PFKFB2: variants seen among roughly 807,000 people sequenced by gnomAD.
The protein encoded by PFKFB2 is 6-phosphofructo-2-kinase/fructose-2,6-bisphosphatase 2.
A neutral mutation model predicts 68.0 loss-of-function variants in PFKFB2; 53 were observed. That is an observed-to-expected ratio of 0.78 (90% confidence interval 0.63 to 0.98). The LOEUF is 0.98. PFKFB2 is among the 50% of genes least tolerant of loss of function. The pLI is 0.00. For missense variants in PFKFB2, 451 were observed against 642.0 expected (o/e 0.70, Z 3.22); for synonymous variants, 222 against 227.6 (o/e 0.98, Z 0.22).
At chr1:207,036,860 T>C (rs779674863) in intron 1 of PFKFB2, among the ~76,000 whole-genome samples, 1 of 152,236 alleles carries the variant, frequency 6.6e-6, no homozygotes, top group Non-Finnish European at 1.5e-5. Context: ...AAATCTGCTG[T>C]CAGTTACCAC....
At position 207,075,695 on chromosome 1, in the gene PFKFB2, A is replaced by G. The variant is rs1372798259; in HGVS notation, c.*3324A>G. On this transcript the variant is annotated 3_prime_UTR_variant, in exon 15 of 15. Coordinates refer to ENST00000367080, the MANE Select transcript of PFKFB2 (RefSeq NM_006212.2). ...TCCCAGATACTTGGGAGGCTGAGGCAGGAGAATCACTTGAGACCAGCCTGG... is the reference window on the plus strand; with the variant it reads ...TCCCAGATACTTGGGAGGCTGAGGCGGGAGAATCACTTGAGACCAGCCTGG... The G allele has an allele frequency of 3.1e-6, 3 of 968,600 alleles. No individual in the cohort carries two copies. Among genetic ancestry groups the G allele is most frequent in the East Asian group, 2.3e-4 (2 of 8,760 alleles). The allele number at this position is 968,600 out of a possible 1,614,324, so 60.0% of individuals were successfully genotyped here.
At position 207,077,684 on chromosome 1, in the gene PFKFB2, A is replaced by G; in HGVS notation, c.*5313A>G. On this transcript the variant is annotated 3_prime_UTR_variant, in exon 15 of 15. Coordinates refer to ENST00000367080, the MANE Select transcript of PFKFB2 (RefSeq NM_006212.2). ...AACATAAGTCTTTAGCAACATTCTG[A>G]TTTAATCGGGTGACACTGATAACAA... is the stretch of plus-strand genomic sequence containing the variant. 1 of 985,818 alleles carries G rather than the reference A, an allele frequency of 1.0e-6. No individual in the cohort carries two copies. The highest frequency in any genetic ancestry group is 1.2e-6 in the Non-Finnish European group (1 of 829,904). The allele number at this position is 985,818 out of a possible 1,614,324, so 61.1% of individuals were successfully genotyped here. A position where few individuals can be genotyped will look rare whatever the true frequency, so the allele number is the denominator to read the frequency against.
chr1:207,071,625 C>A, intron 14 of PFKFB2, 52 bp downstream of exon 14: 1 of 1,377,218 alleles, frequency 7.3e-7, no homozygotes, highest in South Asian at 1.2e-5. Context: ...CCTTGAGTCT[C>A]TGAAGCTTTG....
downstream of PFKFB2, chr1:207,079,384 C>T (rs922369628): frequency 1.4e-5 from 4 of 279,972 alleles, no homozygotes; most frequent in Middle Eastern, 1.1e-3. Flanking sequence ...AGTGCAAATG[C>T]ACTTCTTCAG....
Position 207,076,473 on chromosome 1 carries a change from A to T in PFKFB2, c.*4102A>T. ...TTACCCAGCTTTTCTATGTATTTTGACTTATTGAAAATATGTAACAACTGA... is the reference window on the plus strand; with the variant it reads ...TTACCCAGCTTTTCTATGTATTTTGTCTTATTGAAAATATGTAACAACTGA... On this transcript the variant is annotated 3_prime_UTR_variant, in exon 15 of 15. Coordinates refer to ENST00000367080, the MANE Select transcript of PFKFB2 (RefSeq NM_006212.2). The T allele has an allele frequency of 2.0e-6, 2 of 985,282 alleles. No individual in the cohort carries two copies. The highest frequency in any genetic ancestry group is 2.4e-6 in the Non-Finnish European group (2 of 829,880). 61.0% of individuals were successfully genotyped at this position (985,282 alleles called of 1,614,324 possible). A position where few individuals can be genotyped will look rare whatever the true frequency, so the allele number is the denominator to read the frequency against.
rs1233198207 is a variant in PFKFB2, at chr1:207,063,271, G to C, written c.375+62G>C. The C allele has an allele frequency of 6.3e-7, 1 of 1,581,498 alleles. No individual in the cohort carries two copies. Among genetic ancestry groups the C allele is most frequent in the Admixed American group, 1.7e-5 (1 of 59,956 alleles). On this transcript the variant is annotated intron_variant, in intron 5 of 14. Transcript: ENST00000367080. This position sits in a 1 kb window ranked among gnomAD's most constrained non-coding sequence, Gnocchi z 4.1. ...ACCCTTGCAGCAGCCTGGCTACCCAGCCCCACCTTGAGTCTGCCCTGGTGG... is the reference window on the plus strand; with the variant it reads ...ACCCTTGCAGCAGCCTGGCTACCCACCCCCACCTTGAGTCTGCCCTGGTGG...
chr1:207,069,050 T>G (rs1683391134), intron 10 of PFKFB2, among the ~76,000 whole-genome samples: 1 of 152,198 alleles, frequency 6.6e-6, no homozygotes, highest in South Asian at 2.1e-4. Flanking sequence ...CGGCCGACAT[T>G]TCTTTTTCTT....
upstream of PFKFB2, chr1:207,052,427 C>T (rs1012333907): frequency 5.4e-5 from 27 of 501,638 alleles, no homozygotes; most frequent in Non-Finnish European, 7.5e-5. Context: ...TTTGGGAGGC[C>T]GAGGCGGGTG....
Position 207,075,930 on chromosome 1 carries a change from G to A in PFKFB2, c.*3559G>A. 1 of 985,300 alleles carries A rather than the reference G, an allele frequency of 1.0e-6. No individual in the cohort carries two copies. Among genetic ancestry groups the A allele is most frequent in the Non-Finnish European group, 1.2e-6 (1 of 829,820 alleles). The allele number at this position is 985,300 out of a possible 1,614,324, so 61.0% of individuals were successfully genotyped here. A position where few individuals can be genotyped will look rare whatever the true frequency, so the allele number is the denominator to read the frequency against. On this transcript the variant is annotated 3_prime_UTR_variant, in exon 15 of 15. Coordinates refer to ENST00000367080, the MANE Select transcript of PFKFB2 (RefSeq NM_006212.2). Reference sequence around the variant, plus strand: ...TAGCTCTTATCTGTATTGTTGTTTTGTTTTGGTAAAGGGATGATTTTTACA... The same window carrying A: ...TAGCTCTTATCTGTATTGTTGTTTTATTTTGGTAAAGGGATGATTTTTACA...
chr1:207,052,371 C>T, upstream of PFKFB2: 2 of 714,074 alleles, frequency 2.8e-6, no homozygotes. Flanking sequence ...GTTAGAAGTC[C>T]ACCGGGGTGG....
chr1:207,073,900 T>G lies in PFKFB2; in HGVS notation c.*1529T>G. ...AAAAGAGATAGGTGACTCCCCACCT[T>G]AAAGTTATCTGCTGGTCTTTTAGAG... is the stretch of plus-strand genomic sequence containing the variant. On this transcript the variant is annotated 3_prime_UTR_variant, in exon 15 of 15. Coordinates refer to ENST00000367080, the MANE Select transcript of PFKFB2 (RefSeq NM_006212.2). 2 of 985,212 alleles carry G rather than the reference T, an allele frequency of 2.0e-6. No individual in the cohort carries two copies. The highest frequency in any genetic ancestry group is 3.5e-5 in the African/African-American group (2 of 57,372). 61.0% of individuals were successfully genotyped at this position (985,212 alleles called of 1,614,324 possible).
chr1:207,062,795 TC>T, intron 4 of PFKFB2, 79 bp downstream of exon 4: 4 of 1,344,924 alleles, frequency 3.0e-6, no homozygotes, highest in African/African-American at 2.9e-5. Flanking sequence ...GGGCTTGGTT[TC>T]ATCTCAGTAA....
In PFKFB2 at chr1:207,069,424, G is replaced by T. The variant is rs1309582719; in HGVS notation, c.988G>T (p.Gly330Cys). The T allele has an allele frequency of 6.2e-7, 1 of 1,611,222 alleles. No individual in the cohort carries two copies. Among genetic ancestry groups the T allele is most frequent in the East Asian group, 2.2e-5 (1 of 44,854 alleles). The change falls in exon 11 of 15, where the codon GGT becomes TGT. Residue 330 changes from glycine (G) to cysteine (C), a missense_variant and splice_region_variant. Transcript: ENST00000367080. ...QWKILNEIDA[G>C]VCEEMTYAEI... ...GCCAGCTTCAAGTGGCTTTTTGCAG[G>T]GTGTGTGTGAAGAGATGACCTATGC...
intron 1 of PFKFB2, among the ~76,000 whole-genome samples, chr1:207,054,235 T>C (rs114028317): frequency 6.6e-6 from 1 of 152,122 alleles, no homozygotes; most frequent in Non-Finnish European, 1.5e-5. Flanking sequence ...TACCGTTAGA[T>C]TGGAGTTAAT....
At position 207,074,363 on chromosome 1, in the gene PFKFB2, T is replaced by C. The variant is rs1298561291; in HGVS notation, c.*1992T>C. On this transcript the variant is annotated 3_prime_UTR_variant, in exon 15 of 15. Transcript: ENST00000367080. ...TGTTTTAGAGGGTTATTCTAGGTTC[T>C]AGTCCCATCTTTAACCCTTTACATT... 2.0e-6 allele frequency: 2 copies of C among 985,420 alleles called. No homozygotes were observed. The highest frequency in any genetic ancestry group is 2.3e-4 in the East Asian group (2 of 8,824). The allele number at this position is 985,420 out of a possible 1,614,324, so 61.0% of individuals were successfully genotyped here. A position where few individuals can be genotyped will look rare whatever the true frequency, so the allele number is the denominator to read the frequency against.
Position 207,072,195 on chromosome 1 carries a change from T to A in PFKFB2, c.1351-9T>A. The stretch of plus-strand genomic sequence containing the variant: ...TTCATTTGTGTGGTGTCACTCCATT[T>A]CCAATCAGAACAACTTCCCCAAGAA... On this transcript the variant is annotated splice_polypyrimidine_tract_variant and intron_variant, in intron 14 of 14. Transcript: ENST00000367080. 1 of 1,613,092 alleles carries A rather than the reference T, an allele frequency of 6.2e-7. No homozygotes were observed. The highest frequency in any genetic ancestry group is 8.5e-7 in the Non-Finnish European group (1 of 1,179,498).
At chr1:207,055,710 G>A (rs912444123) in intron 2 of PFKFB2, among the ~76,000 whole-genome samples, 4 of 151,810 alleles carry the variant, frequency 2.6e-5, no homozygotes, top group Non-Finnish European at 4.4e-5. Flanking sequence ...GGAAACAGCC[G>A]ACCAGCATGA....
downstream of PFKFB2, chr1:207,078,844 TG>T: frequency 1.2e-6 from 1 of 830,118 alleles, no homozygotes; most frequent in Non-Finnish European, 2.1e-6. Flanking sequence ...GATGTGGGGA[TG>T]GGGAGGTTGA....
rs1207347657 is a variant in PFKFB2, at chr1:207,067,845, T to C, written c.840+139T>C. The C allele has an allele frequency of 6.7e-6, 5 of 744,106 alleles. No individual in the cohort carries two copies. In the Admixed American group the frequency reaches 1.0e-4, roughly 15 times the overall value. 46.1% of individuals were successfully genotyped at this position (744,106 alleles called of 1,614,324 possible). On this transcript the variant is annotated intron_variant, in intron 9 of 14. Transcript: ENST00000367080. ...CATAGTCAGGCAAGTGCTCAAGGTG[T>C]GTTCTTGCTCACTGCGTCTAGCTCT...
Sources: allele counts gnomAD v4.1 joint callset (sites outside exome capture counted in the v4.1 genomes callset), GRCh38; gene constraint gnomAD v4.1.1; non-coding constraint Gnocchi (gnomAD v3.1); transcripts MANE v1.5; gene names NCBI Gene and HGNC (gene_info 2026-07-23, HGNC 2026-07-21).